SCN3A: variants seen among roughly 807,000 people sequenced by gnomAD.
The protein encoded by SCN3A is sodium voltage-gated channel alpha subunit 3, also known as sodium channel protein type 3 subunit alpha.
SCN3A carries 60 observed loss-of-function variants against 187.6 expected under a neutral mutation model. That is an observed-to-expected ratio of 0.32 (90% confidence interval 0.26 to 0.40). The LOEUF is 0.40. Ranked by LOEUF, SCN3A falls within the 10% of genes least tolerant of loss-of-function variation. The pLI is 1.00. For synonymous variants in SCN3A, 788 were observed against 829.2 expected (o/e 0.95, Z 0.85); for missense variants, 1,601 against 2,428.2 (o/e 0.66, Z 7.16).
At chr2:165,181,254 C>T (rs1186404518) in intron 2 of SCN3A, among the ~76,000 whole-genome samples, 1 of 152,098 alleles carries the variant, frequency 6.6e-6, no homozygotes, top group Non-Finnish European at 1.5e-5. Flanking sequence ...AATTGCCTTT[C>T]CAGGTAACTG....
chr2:165,102,079 C>T (rs1685631426), intron 21 of SCN3A, among the ~76,000 whole-genome samples: 1 of 152,204 alleles, frequency 6.6e-6, no homozygotes, highest in Admixed American at 6.5e-5. Flanking sequence ...GAATTAACAG[C>T]TTCTTTATGT....
chr2:165,169,313 C>T (rs1200578709), intron 4 of SCN3A, among the ~76,000 whole-genome samples: 2 of 151,882 alleles, frequency 1.3e-5, no homozygotes, highest in Non-Finnish European at 2.9e-5. Flanking sequence ...AGTGATGTAA[C>T]TTACTCCTTT....
chr2:165,124,525 G>A (rs1052851457), intron 18 of SCN3A, among the ~76,000 whole-genome samples: 29 of 151,574 alleles, frequency 1.9e-4, no homozygotes, highest in Admixed American at 1.8e-3. Flanking sequence ...TTACTTATTT[G>A]ATGAGCTCCT....
At chr2:165,131,908 A>C (rs549998666) in intron 15 of SCN3A, among the ~76,000 whole-genome samples, 40 of 152,064 alleles carry the variant, frequency 2.6e-4, no homozygotes, top group Middle Eastern at 3.4e-3. Flanking sequence ...AATTTCATCC[A>C]TGTTCCTCCA....
intron 2 of SCN3A, chr2:165,179,829 C>T (rs1169717841): frequency 1.3e-5 from 2 of 152,086 alleles, no homozygotes; most frequent in African/African-American, 4.8e-5. Flanking sequence ...TTCTCTTTTA[C>T]TTTTTTCCTC....
chr2:165,097,902 T>C (rs1325474965), intron 22 of SCN3A, among the ~76,000 whole-genome samples: 1 of 152,214 alleles, frequency 6.6e-6, no homozygotes, highest in Non-Finnish European at 1.5e-5. Context: ...AATGAATGAA[T>C]GATAATTTGA....
intron 25 of SCN3A, among the ~76,000 whole-genome samples, chr2:165,094,767 T>C (rs1282097098): frequency 6.6e-6 from 1 of 152,196 alleles, no homozygotes; most frequent in Non-Finnish European, 1.5e-5. Flanking sequence ...AAACATTTTC[T>C]TAGTCCATTT....
rs566709817 is a variant in SCN3A, at chr2:165,090,716, G to C, written c.5437C>G (p.Leu1813Val). 2.5e-6 allele frequency: 4 copies of C among 1,614,046 alleles called. No individual in the cohort carries two copies. In the Admixed American group the frequency reaches 5.0e-5, roughly 20 times the overall value. ...TCCAGGGCAGCTGCAAAATCAGAGA[G>C]TTTAGAGAACTCTATAAACTGGGTC... ...DATQFIEFSK[L>V]SDFAAALDPP... Residue 1813 changes from leucine to valine, a missense_variant, in exon 28 of 28, where the codon CTC (leucine) becomes GTC (valine). Coordinates refer to ENST00000283254, the MANE Select transcript of SCN3A (RefSeq NM_006922.4). The surrounding 1 kb of genome is among the most constrained non-coding windows in gnomAD (Gnocchi z 4.0).
chr2:165,201,085 C>T (rs972061456), intron 1 of SCN3A, among the ~76,000 whole-genome samples: 2 of 152,002 alleles, frequency 1.3e-5, no homozygotes, highest in African/African-American at 4.8e-5. Flanking sequence ...ACAGAAACTT[C>T]GTCTAACAGG....
rs1401079903 is a variant in SCN3A, at chr2:165,131,237, T to G, written c.2565+7A>C. 1 of 1,570,162 alleles carries G rather than the reference T, an allele frequency of 6.4e-7. No individual in the cohort carries two copies. The highest frequency in any genetic ancestry group is 8.7e-7 in the Non-Finnish European group (1 of 1,153,908). ...AATGAGCGACAGGGATATATATAAA[T>G]AGATACCAGTCTGAATGATCGCAGT... On this transcript the variant is annotated splice_region_variant and intron_variant, in intron 16 of 27. Transcript: ENST00000283254.
intron 7 of SCN3A, 56 bp from the exon 8 acceptor site, chr2:165,162,884 T>G: frequency 6.3e-7 from 1 of 1,590,776 alleles, no homozygotes; most frequent in Non-Finnish European, 8.6e-7. Context: ...TCATGATTTC[T>G]TAATAGTCAC....
chr2:165,116,089 A>AC (rs1164693695), intron 18 of SCN3A, among the ~76,000 whole-genome samples: 1 of 144,002 alleles, frequency 6.9e-6, no homozygotes, highest in African/African-American at 2.6e-5. Flanking sequence ...CAGCACATTA[A>AC]CATTAGTCAC....
At chr2:165,195,262 G>A (rs1376789313) in intron 1 of SCN3A, 2 of 152,182 alleles carry the variant, frequency 1.3e-5, no homozygotes, top group Admixed American at 6.6e-5. Flanking sequence ...AGAGGTGAGA[G>A]GGAAGATGCC....
chr2:165,119,723 G>T (rs546905771), intron 18 of SCN3A: 2 of 152,102 alleles, frequency 1.3e-5, no homozygotes, highest in East Asian at 1.9e-4. Flanking sequence ...AAAAGCAAGT[G>T]ACCAATAAAT....
At chr2:165,094,270 C>T in intron 26 of SCN3A, 104 bp downstream of exon 26, 1 of 858,876 alleles carries the variant, frequency 1.2e-6, no homozygotes, top group South Asian at 1.3e-5. Context: ...AATTAGGGCT[C>T]AATATTGGTG....
intron 12 of SCN3A, among the ~76,000 whole-genome samples, chr2:165,143,102 T>G (rs1688110801): frequency 6.6e-6 from 1 of 152,126 alleles, no homozygotes; most frequent in South Asian, 2.1e-4. Context: ...CTCTGAGAGT[T>G]AAAAATATAT....
At chr2:165,193,720 G>T (rs1174282909) in intron 1 of SCN3A, among the ~76,000 whole-genome samples, 1 of 152,078 alleles carries the variant, frequency 6.6e-6, no homozygotes. Context: ...TTGAGAACTG[G>T]GAACTTGAGG....
intron 2 of SCN3A, among the ~76,000 whole-genome samples, chr2:165,184,843 G>A (rs1691129431): frequency 6.6e-6 from 1 of 152,086 alleles, no homozygotes; most frequent in South Asian, 2.1e-4. Flanking sequence ...TGTTGTCAAG[G>A]AAATCAGCAT....
intron 14 of SCN3A, 92 bp downstream of exon 14, chr2:165,139,384 G>C (rs1687858759): frequency 2.6e-6 from 4 of 1,557,390 alleles, no homozygotes; most frequent in South Asian, 1.1e-5. Context: ...TTTCGATCTG[G>C]GTAACAGACT....
Sources: allele counts gnomAD v4.1 joint callset (sites outside exome capture counted in the v4.1 genomes callset), GRCh38; gene constraint gnomAD v4.1.1; non-coding constraint Gnocchi (gnomAD v3.1); transcripts MANE v1.5; gene names NCBI Gene and HGNC (gene_info 2026-07-23, HGNC 2026-07-21).